LRPPRC: variants seen among roughly 807,000 people sequenced by gnomAD.
LRPPRC encodes the protein leucine-rich PPR motif-containing protein, mitochondrial.
A neutral mutation model predicts 180.3 loss-of-function variants in LRPPRC; 120 were observed. That is an observed-to-expected ratio of 0.67 (90% confidence interval 0.57 to 0.77). LRPPRC has a LOEUF of 0.77. Among genes scored for constraint, LRPPRC ranks in the 30% least tolerant of loss-of-function variants. LRPPRC has a pLI of 0.00. For missense variants in LRPPRC, 2,012 were observed against 1,657.2 expected (o/e 1.21, Z -3.72); for synonymous variants, 723 against 600.0 (o/e 1.21, Z -3.00).
intron 14 of LRPPRC, among the ~76,000 whole-genome samples, chr2:43,951,437 A>C (rs529491400): frequency 6.6e-6 from 1 of 152,326 alleles, no homozygotes; most frequent in East Asian, 1.9e-4. Context: ...CATAATATTA[A>C]GTGGTAAAAC....
At chr2:43,961,543 A>T (rs1329433788) in intron 12 of LRPPRC, among the ~76,000 whole-genome samples, 2 of 152,196 alleles carry the variant, frequency 1.3e-5, no homozygotes, top group Non-Finnish European at 2.9e-5. Flanking sequence ...TATCTCAAGG[A>T]ACTATGGACA....
At chr2:43,980,595 A>C (rs1284808498) in intron 2 of LRPPRC, among the ~76,000 whole-genome samples, 1 of 151,390 alleles carries the variant, frequency 6.6e-6, no homozygotes, top group Non-Finnish European at 1.5e-5. Flanking sequence ...AGAGAGAGAG[A>C]GAGAGAAAGA....
At chr2:43,915,232 T>TCTCTCACACA (rs1174216406) in intron 29 of LRPPRC, among the ~76,000 whole-genome samples, 6 of 51,884 alleles carry the variant, frequency 1.2e-4, no homozygotes, top group Non-Finnish European at 2.1e-4. Flanking sequence ...TCTCTCTCTC[T>TCTCTCACACA]CACACACACA....
upstream of LRPPRC, chr2:43,995,998 G>T: frequency 6.6e-7 from 1 of 1,518,482 alleles, no homozygotes; most frequent in Non-Finnish European, 8.8e-7. Flanking sequence ...AGGACAGGAG[G>T]AGCATGTGAC....
chr2:43,888,498 C>T lies in LRPPRC; in HGVS notation c.*102G>A, dbSNP rs1269353430. 6 of 758,120 alleles carry T rather than the reference C, an allele frequency of 7.9e-6. No individual in the cohort carries two copies. The highest frequency in any genetic ancestry group is 1.4e-5 in the Non-Finnish European group (6 of 427,636). 47.0% of individuals were successfully genotyped at this position (758,120 alleles called of 1,614,324 possible). A position where few individuals can be genotyped will look rare whatever the true frequency, so the allele number is the denominator to read the frequency against. On this transcript the variant is annotated 3_prime_UTR_variant, in exon 38 of 38. Transcript: ENST00000260665. Reference sequence around the variant, plus strand: ...AACATGCATCACACATACATAAGTACATAAAGAAAATTTTCATTTATTTTT... The same window carrying T: ...AACATGCATCACACATACATAAGTATATAAAGAAAATTTTCATTTATTTTT...
In LRPPRC at chr2:43,959,176, C is replaced by T. The variant is rs781146791; in HGVS notation, c.1582+1365G>A. 75 of 715,620 alleles carry T rather than the reference C, an allele frequency of 1.0e-4. No individual in the cohort carries two copies. In the East Asian group the frequency reaches 1.0e-3, roughly 10 times the overall value. The allele number at this position is 715,620 out of a possible 1,614,324, so 44.3% of individuals were successfully genotyped here. A position where few individuals can be genotyped will look rare whatever the true frequency, so the allele number is the denominator to read the frequency against. On this transcript the variant is annotated intron_variant, in intron 13 of 37. Coordinates refer to ENST00000260665, the MANE Select transcript of LRPPRC (RefSeq NM_133259.4). ...TGGATCCACCTCGTGAGCCCAGATT[C>T]CTCTGCTAATGCTTCTCTGTTTTCT...
intron 1 of LRPPRC, among the ~76,000 whole-genome samples, chr2:43,988,332 T>C (rs566870539): frequency 6.7e-6 from 1 of 149,596 alleles, no homozygotes; most frequent in Non-Finnish European, 1.5e-5. Flanking sequence ...AGGTCGGGAG[T>C]TCTAGACCAG....
intron 3 of LRPPRC, among the ~76,000 whole-genome samples, chr2:43,979,103 A>T (rs1445252884): frequency 6.6e-6 from 1 of 152,092 alleles, no homozygotes; most frequent in Non-Finnish European, 1.5e-5. Context: ...ATTGTATTAA[A>T]CCATCTTTTT....
intron 1 of LRPPRC, among the ~76,000 whole-genome samples, chr2:43,990,036 T>C (rs528810992): frequency 6.6e-6 from 1 of 152,064 alleles, no homozygotes; most frequent in African/African-American, 2.4e-5. Context: ...AACATGGCAA[T>C]GGCAAAACCC....
chr2:43,934,186 A>T lies in LRPPRC; in HGVS notation c.2736+4T>A. On this transcript the variant is annotated splice_donor_region_variant and intron_variant, in intron 25 of 37. Coordinates refer to ENST00000260665, the MANE Select transcript of LRPPRC (RefSeq NM_133259.4). The stretch of plus-strand genomic sequence containing the variant: ...CAATTAGAACACTGTAGTTAAAATC[A>T]CACCTCAATGATCTTCTTGGCCTCT... 1 of 1,538,428 alleles carries T rather than the reference A, an allele frequency of 6.5e-7. No individual in the cohort carries two copies. The highest frequency in any genetic ancestry group is 9.0e-7 in the Non-Finnish European group (1 of 1,111,826).
chr2:43,941,561 T>G (rs1459178400), intron 23 of LRPPRC, among the ~76,000 whole-genome samples: 1 of 152,064 alleles, frequency 6.6e-6, no homozygotes, highest in Non-Finnish European at 1.5e-5. Context: ...GGCAGGCTAG[T>G]GTGGTTAATC....
chr2:43,983,367 A>G (rs1355215371), intron 1 of LRPPRC, among the ~76,000 whole-genome samples: 2 of 151,982 alleles, frequency 1.3e-5, no homozygotes, highest in African/African-American at 2.4e-5. Flanking sequence ...GAATATTTTT[A>G]GGTTTATAGA....
intron 5 of LRPPRC, 46 bp from the exon 6 acceptor site, chr2:43,976,275 C>G (rs1195152798): frequency 9.8e-7 from 1 of 1,021,786 alleles, no homozygotes; most frequent in Admixed American, 1.7e-5. Context: ...TTTATAAGAA[C>G]ACTCTTTACA....
At chr2:43,964,695 G>GT (rs1673482170) in intron 11 of LRPPRC, among the ~76,000 whole-genome samples, 1 of 151,334 alleles carries the variant, frequency 6.6e-6, no homozygotes, top group South Asian at 2.1e-4. Context: ...ATTTAATTAT[G>GT]TAAAAAAAAA....
chr2:43,896,747 G>A (rs550142204), intron 34 of LRPPRC, 39 bp from the exon 35 acceptor site: 15 of 1,181,326 alleles, frequency 1.3e-5, no homozygotes, highest in Admixed American at 1.0e-4. Context: ...GAAGGTTTCT[G>A]ATAAACAAGT....
At chr2:43,953,149 G>A (rs374729431) in intron 14 of LRPPRC, among the ~76,000 whole-genome samples, 3 of 152,038 alleles carry the variant, frequency 2.0e-5, no homozygotes, top group South Asian at 2.1e-4. Flanking sequence ...CAATTTCTCT[G>A]CAGCCCCTGC....
chr2:43,960,425 G>C, intron 13 of LRPPRC, 116 bp downstream of exon 13: 1 of 729,294 alleles, frequency 1.4e-6, no homozygotes, highest in Non-Finnish European at 2.5e-6. Context: ...TTATCAGTCT[G>C]GCTTTAACAA....
At chr2:43,987,926 T>G (rs1449131913) in intron 1 of LRPPRC, among the ~76,000 whole-genome samples, 1 of 152,080 alleles carries the variant, frequency 6.6e-6, no homozygotes, top group Non-Finnish European at 1.5e-5. Context: ...TTAAAAATAT[T>G]AATTATGGTA....
intron 5 of LRPPRC, 29 bp downstream of exon 5, chr2:43,976,965 C>T (rs763898803): frequency 7.6e-6 from 12 of 1,583,392 alleles, no homozygotes; most frequent in African/African-American, 6.7e-5. Flanking sequence ...CAAATTTGTT[C>T]GCTTAAACAT....
Sources: gnomAD v4.1 joint callset for allele counts (sites outside exome capture counted in the v4.1 genomes callset) on GRCh38, gnomAD v4.1.1 for gene constraint, MANE v1.5 for transcripts, NCBI Gene and HGNC (gene_info 2026-07-23, HGNC 2026-07-21) for gene names.